Variants in TMEM132D observed in about 807,000 individuals in gnomAD.
TMEM132D encodes transmembrane protein 132D, also known as mature OL transmembrane protein.
TMEM132D carries 21 observed loss-of-function variants against 62.3 expected under a neutral mutation model. That is an observed-to-expected ratio of 0.34 (90% CI 0.24 to 0.49). TMEM132D has a LOEUF of 0.49. Among genes scored for constraint, TMEM132D ranks in the 20% least tolerant of loss-of-function variants. The probability of loss-of-function intolerance (pLI) is 0.99; values close to 1 mark genes in which losing one functional copy is unlikely to be tolerated. For missense variants in TMEM132D, 1,346 were observed against 1,402.8 expected (o/e 0.96, Z 0.65); for synonymous variants, 621 against 575.6 (o/e 1.08, Z -1.13).
intron 2 of TMEM132D, among the ~76,000 whole-genome samples, chr12:129,572,939 ACTT>A (rs1488155588): frequency 6.6e-5 from 10 of 152,318 alleles, no homozygotes; most frequent in African/African-American, 2.2e-4. Context: ...CGACTTCTAT[ACTT>A]CATTGAGAAC....
chr12:129,673,058 G>A (rs1565944192), intron 2 of TMEM132D, among the ~76,000 whole-genome samples: 1 of 152,166 alleles, frequency 6.6e-6, no homozygotes, highest in South Asian at 2.1e-4. Flanking sequence ...AGTTCTATGA[G>A]TTTTAAGTTT....
intron 5 of TMEM132D, among the ~76,000 whole-genome samples, chr12:129,207,496 G>T (rs532785651): frequency 6.6e-6 from 1 of 152,314 alleles, no homozygotes; most frequent in East Asian, 1.9e-4. Context: ...TTTTGCTGAC[G>T]CTGCTCAGAA....
chr12:129,116,321 A>G (rs910188998), intron 5 of TMEM132D, among the ~76,000 whole-genome samples: 1 of 152,224 alleles, frequency 6.6e-6, no homozygotes, highest in Admixed American at 6.5e-5. Context: ...AGGGAAAGAC[A>G]ACAGCTGGCC....
rs2137227871 is a variant in TMEM132D at position 129,700,629 on chromosome 12, G to C, written c.149C>G (p.Thr50Ser). Residue 50 changes from threonine to serine, a missense_variant, in exon 2 of 9, where the codon ACC (threonine) becomes AGC (serine). By Grantham distance (58) the Thr-to-Ser change is moderately conservative. Coordinates refer to ENST00000422113, the MANE Select transcript of TMEM132D (RefSeq NM_133448.3). ...GACGTCCGCGTTGTTGATGTGGTAG[G>C]TCACGGGGAGGTAGGTGGGCAGCAA... ...FSLLPTYLPVTYHINNADVSF... is the reference protein window; with the variant it reads ...FSLLPTYLPVSYHINNADVSF... The C allele has an allele frequency of 1.2e-6, 2 of 1,614,040 alleles. No individual in the cohort carries two copies. Among genetic ancestry groups the C allele is most frequent in the Non-Finnish European group, 1.7e-6 (2 of 1,180,020 alleles).
At chr12:129,187,888 AC>A in intron 5 of TMEM132D, among the ~76,000 whole-genome samples, 1 of 152,340 alleles carries the variant, frequency 6.6e-6, no homozygotes, top group East Asian at 1.9e-4. Flanking sequence ...CCTCACTGTC[AC>A]CCTATCCTGT....
At chr12:129,531,403 T>C (rs1464546049) in intron 2 of TMEM132D, among the ~76,000 whole-genome samples, 198 bp from the exon 3 acceptor site, 1 of 152,158 alleles carries the variant, frequency 6.6e-6, no homozygotes, top group African/African-American at 2.4e-5. Flanking sequence ...CTACCTTTAC[T>C]AAAGAGCTAG....
chr12:129,620,434 G>C (rs1475115537), intron 2 of TMEM132D, among the ~76,000 whole-genome samples: 1 of 152,114 alleles, frequency 6.6e-6, no homozygotes, highest in Admixed American at 6.5e-5. Flanking sequence ...GCCCATCTCT[G>C]ATAAAAGTAC....
At position 129,813,611 on chromosome 12, in the gene TMEM132D, G is replaced by GATATATATATATATATATATATAT. The variant is rs3046846; in HGVS notation, c.79+89649_79+89650insATATATATATATATATATATATAT. 1.1e-3 allele frequency among the ~76,000 whole-genome samples: 149 copies of GATATATATATATATATATATATAT among 136,546 alleles called. 1 individual carries two copies. Among genetic ancestry groups the GATATATATATATATATATATATAT allele is most frequent in the Admixed American group, 1.7e-3 (22 of 13,202 alleles). The allele number at this position is 136,546 out of a possible 152,430, so 89.6% of individuals were successfully genotyped here. The stretch of plus-strand genomic sequence containing the variant: ...AAGGATGGACGGATACAGAAAATGT[G>GATATATATATATATATATATATAT]ATATATATATATATATATATTTTCA... On this transcript the variant is annotated intron_variant, in intron 1 of 8. Coordinates refer to ENST00000422113, the MANE Select transcript of TMEM132D (RefSeq NM_133448.3).
intron 2 of TMEM132D, among the ~76,000 whole-genome samples, chr12:129,600,453 C>G (rs1430962175): frequency 1.3e-5 from 2 of 152,176 alleles, no homozygotes; most frequent in African/African-American, 4.8e-5. Flanking sequence ...TTGGGCTCCT[C>G]TCGTGAATTG....
At chr12:129,486,405 C>T (rs1457752767) in intron 3 of TMEM132D, among the ~76,000 whole-genome samples, 1 of 152,110 alleles carries the variant, frequency 6.6e-6, no homozygotes, top group Non-Finnish European at 1.5e-5. Context: ...TTGCCCAGAC[C>T]CCATACATGT....
intron 1 of TMEM132D, among the ~76,000 whole-genome samples, chr12:129,797,812 T>A (rs929987068): frequency 2.0e-5 from 3 of 152,054 alleles, no homozygotes; most frequent in African/African-American, 7.2e-5. Flanking sequence ...GAACACTTAG[T>A]GTGTAAATGA....
intron 2 of TMEM132D, among the ~76,000 whole-genome samples, chr12:129,626,773 G>A (rs1200051095): frequency 1.3e-5 from 2 of 152,054 alleles, no homozygotes; most frequent in Non-Finnish European, 2.9e-5. Context: ...CATTTATTAT[G>A]GCAATTGTTA....
chr12:129,150,289 G>C (rs1466181378), intron 5 of TMEM132D, among the ~76,000 whole-genome samples: 2 of 152,206 alleles, frequency 1.3e-5, no homozygotes, highest in Non-Finnish European at 2.9e-5. Context: ...GACCCCGTGG[G>C]TGGGAGCTCC....
At chr12:129,613,985 G>A (rs192166941) in intron 2 of TMEM132D, among the ~76,000 whole-genome samples, 4 of 151,750 alleles carry the variant, frequency 2.6e-5, no homozygotes, top group East Asian at 1.9e-4. Context: ...GAACCCGGGG[G>A]ACTGGCTGTA....
intron 4 of TMEM132D, among the ~76,000 whole-genome samples, chr12:129,311,521 C>CA (rs1204793855): frequency 1.4e-4 from 22 of 152,256 alleles, no homozygotes; most frequent in African/African-American, 5.1e-4. Flanking sequence ...GAACAGTGGA[C>CA]AAGCTCCCTG....
chr12:129,871,460 A>G (rs912777858), intron 1 of TMEM132D, among the ~76,000 whole-genome samples: 1 of 152,146 alleles, frequency 6.6e-6, no homozygotes, highest in Admixed American at 6.5e-5. Context: ...TCAGCCTTGT[A>G]GTTAAAAAGG....
chr12:129,485,496 C>T (rs1471353064), intron 3 of TMEM132D, among the ~76,000 whole-genome samples: 2 of 152,326 alleles, frequency 1.3e-5, no homozygotes, highest in South Asian at 2.1e-4. Flanking sequence ...CATTGCAAGA[C>T]CCTAAAATGT....
rs145044307 is a variant in TMEM132D, at chr12:129,570,384, A to G, written c.969-39179T>C. Among the ~76,000 whole-genome samples, 159 of 152,322 alleles carry G rather than the reference A, an allele frequency of 1.0e-3. 1 individual carries two copies. The highest frequency in any genetic ancestry group is 3.5e-3 in the African/African-American group (147 of 41,570). Reference sequence around the variant, plus strand: ...TTCATGTAGTTTCATTCAAATAGATAGCCTGAGACAAGGATTCGCGTGCAG... The same window carrying G: ...TTCATGTAGTTTCATTCAAATAGATGGCCTGAGACAAGGATTCGCGTGCAG... On this transcript the variant is annotated intron_variant, in intron 2 of 8. Transcript: ENST00000422113.
intron 4 of TMEM132D, among the ~76,000 whole-genome samples, chr12:129,218,857 GAC>G (rs1297119465): frequency 6.6e-6 from 1 of 152,180 alleles, no homozygotes; most frequent in Non-Finnish European, 1.5e-5. Context: ...AGCAGCAGGA[GAC>G]AGTGACAGGG....
Sources: allele counts gnomAD v4.1 joint callset (sites outside exome capture counted in the v4.1 genomes callset), GRCh38; gene constraint gnomAD v4.1.1; transcripts MANE v1.5; gene names NCBI Gene and HGNC (gene_info 2026-07-23, HGNC 2026-07-21).